Variants in CHN2 observed in about 807,000 individuals in gnomAD.
CHN2 encodes the protein chimerin 2, also known as beta-chimaerin.
In CHN2, 35 loss-of-function variants were observed where a neutral mutation model predicts 56.3. The ratio of observed to expected loss-of-function variants is 0.62; its 90% CI spans 0.47 to 0.82. The LOEUF (loss-of-function observed/expected upper bound fraction) is 0.82. CHN2 is among the 40% of genes least tolerant of loss of function. The probability of loss-of-function intolerance (pLI) is 0.00; values close to 1 mark genes in which losing one functional copy is unlikely to be tolerated. For synonymous variants in CHN2, 210 were observed against 212.8 expected, an observed-to-expected ratio of 0.99 and a Z score of 0.12; for missense variants, 491 against 580.5, an observed-to-expected ratio of 0.85 and a Z score of 1.58.
intron 6 of CHN2, among the ~76,000 whole-genome samples, chr7:29,404,310 T>A (rs916924659): frequency 1.3e-5 from 2 of 152,214 alleles, no homozygotes; most frequent in African/African-American, 4.8e-5. Context: ...ATCCAATGCA[T>A]ATGACAACAG....
intron 6 of CHN2, among the ~76,000 whole-genome samples, chr7:29,405,482 G>A (rs1207087468): frequency 6.6e-6 from 1 of 152,028 alleles, no homozygotes; most frequent in Non-Finnish European, 1.5e-5. Flanking sequence ...AGACCCCTCA[G>A]CTGTGCCCTC....
intron 2 of CHN2, among the ~76,000 whole-genome samples, chr7:29,355,772 ATT>A (rs1167339692): frequency 7.2e-3 from 379 of 52,350 alleles, no homozygotes; most frequent in African/African-American, 0.026. Context: ...AGATGGGACT[ATT>A]TTTTTTTTTT....
chr7:29,501,034 A>G (rs1789910841), intron 9 of CHN2, among the ~76,000 whole-genome samples: 1 of 152,176 alleles, frequency 6.6e-6, no homozygotes, highest in Non-Finnish European at 1.5e-5. Context: ...GCCATGTATC[A>G]TATTCTGTTA....
At chr7:29,161,805 A>G (rs1795211346) in intron 2 of CHN2, among the ~76,000 whole-genome samples, 1 of 152,272 alleles carries the variant, frequency 6.6e-6, no homozygotes, top group Admixed American at 6.5e-5. Context: ...TATAGAATAT[A>G]TAAAGAGTTC....
chr7:29,258,076 G>A (rs759004447), intron 1 of CHN2, among the ~76,000 whole-genome samples: 14 of 151,944 alleles, frequency 9.2e-5, no homozygotes, highest in Non-Finnish European at 1.5e-4. Context: ...GAGCCATTGC[G>A]CCCAGCCCCT....
chr7:29,368,980 T>C (rs1337523762), intron 3 of CHN2, among the ~76,000 whole-genome samples: 1 of 152,196 alleles, frequency 6.6e-6, no homozygotes, highest in Non-Finnish European at 1.5e-5. Context: ...TTCCATTTAT[T>C]TGGTACTCTG....
intron 2 of CHN2, chr7:29,147,045 G>T: frequency 6.6e-7 from 1 of 1,525,478 alleles, no homozygotes; most frequent in Admixed American, 2.0e-5. Context: ...GATGTGTTCT[G>T]TACCATTATA....
rs192310988 is a variant in CHN2 at position 29,212,635 on chromosome 7, T to C, written c.49+17645T>C. 357 of 1,416,288 alleles carry C rather than the reference T, an allele frequency of 2.5e-4. 4 individuals carry two copies. The East Asian group carries it at 7.5e-3, about 30-fold the overall frequency. 87.7% of individuals were successfully genotyped at this position (1,416,288 alleles called of 1,614,324 possible). A position where few individuals can be genotyped will look rare whatever the true frequency, so the allele number is the denominator to read the frequency against. ...CCACCCAGCTGTGTGTACTCAATGA[T>C]AGATTTCAGAGACAGAAATACCTTA... On this transcript the variant is annotated intron_variant, in intron 1 of 12. Coordinates refer to ENST00000222792, the MANE Select transcript of CHN2 (RefSeq NM_004067.4).
intron 1 of CHN2, among the ~76,000 whole-genome samples, chr7:29,235,146 G>C (rs112225454): frequency 6.6e-6 from 1 of 151,960 alleles, no homozygotes; most frequent in Non-Finnish European, 1.5e-5. Context: ...TCCGACAAAG[G>C]TCTAATATCC....
rs552197750 is a variant in CHN2 at position 29,426,510 on chromosome 7, A to G, written c.576+25682A>G. On this transcript the variant is annotated intron_variant, in intron 6 of 12. Transcript: ENST00000222792. ...TGACAACTGCCCCTAGATTCCTTCC[A>G]TGACCTTTAACCCTAGCAAAGTCAT... Among the ~76,000 whole-genome samples the G allele has an allele frequency of 1.7e-4, 26 of 152,314 alleles. No individual in the cohort carries two copies. The East Asian group carries it at 3.1e-3, about 18-fold the overall frequency.
At chr7:29,279,898 G>A (rs569321705) in intron 1 of CHN2, among the ~76,000 whole-genome samples, 7 of 152,284 alleles carry the variant, frequency 4.6e-5, no homozygotes, top group South Asian at 2.1e-4. Context: ...GCAGCAGTGG[G>A]GGTCTGAATT....
rs377323777 is a variant in CHN2, at chr7:29,254,733, A to G, written c.49+59743A>G. Among the ~76,000 whole-genome samples the G allele has an allele frequency of 9.2e-5, 14 of 152,270 alleles. No homozygotes were observed. The South Asian group carries it at 2.3e-3, about 25-fold the overall frequency. On this transcript the variant is annotated intron_variant, in intron 1 of 12. Transcript: ENST00000222792. ...CATACTAGGTCTCTAGGAGGGGCCA[A>G]TCTCTCTGTACAGCCACTGCTTGGC...
intron 8 of CHN2, among the ~76,000 whole-genome samples, chr7:29,497,280 A>C (rs2128572027): frequency 1.3e-5 from 2 of 152,370 alleles, no homozygotes. Context: ...GGGGTAGAAT[A>C]TCTGAATTAC....
At chr7:29,234,190 A>G (rs1786990338) in intron 1 of CHN2, among the ~76,000 whole-genome samples, 2 of 152,144 alleles carry the variant, frequency 1.3e-5, no homozygotes, top group Admixed American at 1.3e-4. Flanking sequence ...ACTGTTGTAT[A>G]ATAAGTTTGT....
chr7:29,403,199 T>C (rs1342585998), intron 6 of CHN2, among the ~76,000 whole-genome samples: 1 of 151,998 alleles, frequency 6.6e-6, no homozygotes, highest in Non-Finnish European at 1.5e-5. Context: ...CAAGTGGAAT[T>C]ATTAAAGGTC....
chr7:29,478,219 A>G (rs1401760332), intron 6 of CHN2, among the ~76,000 whole-genome samples: 3 of 152,208 alleles, frequency 2.0e-5, no homozygotes, highest in South Asian at 4.1e-4. Flanking sequence ...TATTCTAAAG[A>G]ACAGAGCAAG....
chr7:29,391,360 G>T (rs1801352114), intron 3 of CHN2, among the ~76,000 whole-genome samples: 1 of 139,232 alleles, frequency 7.2e-6, no homozygotes, highest in South Asian at 2.7e-4. Context: ...GAGGGGAGGG[G>T]AGGGGAAGGG....
intron 1 of CHN2, among the ~76,000 whole-genome samples, chr7:29,214,672 T>G (rs1441770196): frequency 2.0e-5 from 3 of 152,230 alleles, no homozygotes; most frequent in African/African-American, 4.8e-5. Flanking sequence ...TTAATAGTCC[T>G]AATTTCAGGC....
intron 1 of CHN2, chr7:29,335,594 A>G (rs1355221252): frequency 6.6e-6 from 1 of 152,230 alleles, no homozygotes; most frequent in East Asian, 1.9e-4. Flanking sequence ...GATCCTCACC[A>G]TACTAGTTGG....
Sources: allele counts gnomAD v4.1 joint callset (sites outside exome capture counted in the v4.1 genomes callset), GRCh38; gene constraint gnomAD v4.1.1; transcripts MANE v1.5; gene names NCBI Gene and HGNC (gene_info 2026-07-23, HGNC 2026-07-21).